AMY2B: variants seen among roughly 807,000 people sequenced by gnomAD.
AMY2B encodes amylase alpha 2B.
Under a neutral mutation model 59.3 loss-of-function variants are expected in AMY2B, and 63 were observed. The ratio of observed to expected loss-of-function variants is 1.06; its 90% CI spans 0.87 to 1.31. The LOEUF is 1.31. AMY2B is among the 50% of genes most tolerant of loss of function. The probability of loss-of-function intolerance (pLI) is 0.00; values close to 1 mark genes in which losing one functional copy is unlikely to be tolerated. For missense variants in AMY2B, 635 were observed against 626.7 expected (o/e 1.01, Z -0.14); for synonymous variants, 180 against 198.1 (o/e 0.91, Z 0.77).
In AMY2B at chr1:103,577,501, T is replaced by C. The variant is rs1189327810; in HGVS notation, c.1113T>C (p.Asp371=). The C allele has an allele frequency of 3.1e-6, 5 of 1,611,794 alleles. No individual in the cohort carries two copies. Among genetic ancestry groups the C allele is most frequent in the Non-Finnish European group, 4.2e-6 (5 of 1,179,794 alleles). The change falls in exon 8 of 10, where the codon GAT becomes GAC. Residue 371 remains aspartate, a synonymous_variant. Coordinates refer to ENST00000684275, the MANE Select transcript of AMY2B (RefSeq NM_001387437.1). ...ACCCCCTAATTAAGGATGTTAATGATTGGGTTGGGCCACCAAATAATAATG... is the reference window on the plus strand; with the variant it reads ...ACCCCCTAATTAAGGATGTTAATGACTGGGTTGGGCCACCAAATAATAATG... ...RQFQNGNDVN[D]WVGPPNNNGV...
intron 5 of AMY2B, 70 bp from the exon 6 acceptor site, chr1:103,575,153 T>C (rs1381752108): frequency 1.2e-6 from 2 of 1,604,792 alleles, no homozygotes; most frequent in South Asian, 1.1e-5. Context: ...CAGAAAGAGA[T>C]GCACAGTTAA....
upstream of AMY2B, chr1:103,571,334 G>A: frequency 2.2e-6 from 2 of 926,538 alleles, no homozygotes; most frequent in South Asian, 1.9e-5. Flanking sequence ...AGAACATTAG[G>A]CCCCAGCAAT....
chr1:103,571,371 G>C (rs1321074921), upstream of AMY2B: 25 of 1,124,658 alleles, frequency 2.2e-5, no homozygotes, highest in Non-Finnish European at 3.0e-5. Flanking sequence ...AAAAATAAAA[G>C]TGCTGCCAGA....
At chr1:103,575,776 G>GAAA in intron 7 of AMY2B, 16 of 318,304 alleles carry the variant, frequency 5.0e-5, no homozygotes, top group Admixed American at 1.1e-4. Flanking sequence ...TAGCCCACAG[G>GAAA]AAAAAAAAAA....
At chr1:103,559,829 A>G (rs531502821) in intron 1 of AMY2B, among the ~76,000 whole-genome samples, 6 of 152,234 alleles carry the variant, frequency 3.9e-5, no homozygotes, top group Admixed American at 1.3e-4. Flanking sequence ...ACTATAATAT[A>G]TTGCTACTAG....
intron 1 of AMY2B, among the ~76,000 whole-genome samples, chr1:103,559,750 C>A (rs1005140972): frequency 2.0e-5 from 3 of 152,010 alleles, no homozygotes; most frequent in Admixed American, 2.0e-4. Context: ...GGGAAAAGCA[C>A]AAATCATTTT....
At chr1:103,557,185 TAC>T (rs1171039633) in intron 1 of AMY2B, among the ~76,000 whole-genome samples, 6 of 151,716 alleles carry the variant, frequency 4.0e-5, no homozygotes, top group Non-Finnish European at 8.8e-5. Context: ...CATACATACA[TAC>T]ATACACACAA....
At chr1:103,556,497 A>T (rs1651555766) in intron 1 of AMY2B, among the ~76,000 whole-genome samples, 1 of 152,182 alleles carries the variant, frequency 6.6e-6, no homozygotes, top group Non-Finnish European at 1.5e-5. Context: ...TGAGGTACAA[A>T]CTAGAAATTT....
intron 1 of AMY2B, among the ~76,000 whole-genome samples, chr1:103,556,027 G>A (rs539312276): frequency 6.6e-6 from 1 of 152,196 alleles, no homozygotes; most frequent in African/African-American, 2.4e-5. Context: ...TCTAGATGTC[G>A]GTAGTTCAGT....
At chr1:103,570,528 A>C, upstream of AMY2B, 1 of 617,346 alleles carries the variant, frequency 1.6e-6, no homozygotes, top group Non-Finnish European at 3.2e-6. Context: ...CATGAAGATC[A>C]AGATGATCGC....
chr1:103,574,501 G>T, intron 5 of AMY2B, 108 bp downstream of exon 5: 1 of 1,583,976 alleles, frequency 6.3e-7, no homozygotes, highest in Non-Finnish European at 8.5e-7. Flanking sequence ...CTATCAAGGA[G>T]TCAATTGTTA....
upstream of AMY2B, among the ~76,000 whole-genome samples, chr1:103,566,666 A>G (rs939851113): frequency 2.6e-5 from 4 of 152,170 alleles, no homozygotes; most frequent in Non-Finnish European, 5.9e-5. Flanking sequence ...GAGAAACATT[A>G]GTGTAGTACA....
chr1:103,570,978 C>T (rs1410717860), upstream of AMY2B: 9 of 354,112 alleles, frequency 2.5e-5, no homozygotes, highest in African/African-American at 1.3e-4. Context: ...ACAAGTCTGG[C>T]TTGGTGAGTC....
intron 1 of AMY2B, among the ~76,000 whole-genome samples, chr1:103,563,252 G>T (rs1188779834): frequency 6.6e-6 from 1 of 151,952 alleles, no homozygotes; most frequent in Non-Finnish European, 1.5e-5. Context: ...ATGTCATTTG[G>T]CACATGATAG....
chr1:103,558,341 A>T (rs747241634), intron 1 of AMY2B, among the ~76,000 whole-genome samples: 1 of 152,222 alleles, frequency 6.6e-6, no homozygotes, highest in East Asian at 1.9e-4. Context: ...TTACTGCAGA[A>T]TAACCTATTC....
upstream of AMY2B, chr1:103,569,891 G>T (rs1024900944): frequency 2.2e-6 from 1 of 462,508 alleles, no homozygotes; most frequent in Non-Finnish European, 4.3e-6. Flanking sequence ...GAACCTCAAG[G>T]CCAACAGAGA....
chr1:103,570,831 T>A (rs1420071230), upstream of AMY2B: 12 of 419,614 alleles, frequency 2.9e-5, no homozygotes, highest in Non-Finnish European at 5.7e-5. Flanking sequence ...ATATCAGCAC[T>A]GGATTGTAGA....
chr1:103,571,723 C>G lies in AMY2B; in HGVS notation c.121C>G (p.Leu41Val). 1 of 1,611,886 alleles carries G rather than the reference C, an allele frequency of 6.2e-7. No homozygotes were observed. The highest frequency in any genetic ancestry group is 8.5e-7 in the Non-Finnish European group (1 of 1,179,808). Residue 41 changes from leucine to valine, a missense_variant, in exon 1 of 10, where the codon CTT becomes GTT. By Grantham distance (32) the Leu-to-Val change is conservative. Coordinates refer to ENST00000684275, the MANE Select transcript of AMY2B (RefSeq NM_001387437.1). ...LFEWRWVDIALECERYLAPKG... is the reference protein window; with the variant it reads ...LFEWRWVDIAVECERYLAPKG... ...TGAATGGCGATGGGTTGATATTGCT[C>G]TTGAATGTGAGCGATATTTAGCTCC...
chr1:103,570,343 C>G, upstream of AMY2B: 1 of 692,470 alleles, frequency 1.4e-6, no homozygotes, highest in Non-Finnish European at 2.7e-6. Context: ...TCCAGCCTTC[C>G]TTCCTGGACA....
Sources: gnomAD v4.1 joint callset for allele counts (sites outside exome capture counted in the v4.1 genomes callset) on GRCh38, gnomAD v4.1.1 for gene constraint, MANE v1.5 for transcripts, NCBI Gene and HGNC (gene_info 2026-07-23, HGNC 2026-07-21) for gene names.